Variants in ARHGEF4 observed in about 807,000 individuals in gnomAD.
ARHGEF4 encodes the protein APC-stimulated guanine nucleotide exchange factor 1.
Under a neutral mutation model 162.0 loss-of-function variants are expected in ARHGEF4, and 119 were observed. The ratio of observed to expected loss-of-function variants is 0.73; its 90% CI spans 0.63 to 0.86. The LOEUF is 0.86. Among genes scored for constraint, ARHGEF4 ranks in the 40% least tolerant of loss-of-function variants. The pLI, the probability that ARHGEF4 is intolerant of heterozygous loss-of-function variation, is 0.00. For missense variants in ARHGEF4, 2,488 were observed against 2,456.0 expected (o/e 1.01, Z -0.28); for synonymous variants, 1,014 against 979.9 (o/e 1.03, Z -0.65).
chr2:131,036,548 C>A (rs1690299404), intron 5 of ARHGEF4, among the ~76,000 whole-genome samples: 1 of 152,228 alleles, frequency 6.6e-6, no homozygotes, highest in Admixed American at 6.5e-5. Flanking sequence ...TTGCCCGACA[C>A]CTGGTGACCT....
intron 4 of ARHGEF4, among the ~76,000 whole-genome samples, chr2:130,950,229 C>T (rs532769748): frequency 1.3e-5 from 2 of 152,304 alleles, no homozygotes; most frequent in South Asian, 2.1e-4. Flanking sequence ...AATTTCTTCT[C>T]CACGTTTGGA....
Position 131,040,002 on chromosome 2 carries a change from C to G in ARHGEF4, c.4306-14C>G. 6.4e-7 allele frequency: 1 copy of G among 1,551,406 alleles called. No homozygotes were observed. Among genetic ancestry groups the G allele is most frequent in the South Asian group, 1.2e-5 (1 of 84,402 alleles). On this transcript the variant is annotated splice_polypyrimidine_tract_variant and intron_variant, in intron 6 of 13. Coordinates refer to ENST00000409359, the MANE Select transcript of ARHGEF4 (RefSeq NM_001367493.1). ...AGGGATGCGGGGCACTGACCGGCCA[C>G]GCATGGCCTGCAGCTGAGGGTGAAT...
chr2:130,916,497 G>C lies in ARHGEF4; in HGVS notation c.2551G>C (p.Gly851Arg), dbSNP rs1574223037. 6.5e-7 allele frequency: 1 copy of C among 1,547,766 alleles called. No homozygotes were observed. Among genetic ancestry groups the C allele is most frequent in the Non-Finnish European group, 8.7e-7 (1 of 1,146,676 alleles). Residue 851 changes from glycine to arginine, a missense_variant, in exon 2 of 14, where the codon GGG (glycine) becomes CGG (arginine). Physicochemically the swap from Gly to Arg is moderately radical, Grantham distance 125. Coordinates refer to ENST00000409359, the MANE Select transcript of ARHGEF4 (RefSeq NM_001367493.1). Reference sequence around the variant, plus strand: ...TCGGGACGCACCGCCTCTGCACCACGGGGACGCCAGCGCCTGGCCCGAGTT... The same window carrying C: ...TCGGGACGCACCGCCTCTGCACCACCGGGACGCCAGCGCCTGGCCCGAGTT... ...AGRDAPPLHH[G>R]DASAWPEFVP...
intron 4 of ARHGEF4, among the ~76,000 whole-genome samples, chr2:131,016,034 C>A (rs1688756786): frequency 6.6e-6 from 1 of 152,124 alleles, no homozygotes; most frequent in African/African-American, 2.4e-5. Flanking sequence ...CACCTCTCAC[C>A]CTCCTTCTTG....
chr2:130,881,735 C>T (rs910395901), intron 1 of ARHGEF4, among the ~76,000 whole-genome samples: 4 of 152,096 alleles, frequency 2.6e-5, no homozygotes, highest in South Asian at 4.1e-4. Flanking sequence ...TCCTGGAGGG[C>T]GGCCCTTGCG....
intron 4 of ARHGEF4, among the ~76,000 whole-genome samples, chr2:131,024,885 CT>C (rs1402663711): frequency 6.6e-6 from 1 of 152,106 alleles, no homozygotes; most frequent in Non-Finnish European, 1.5e-5. Flanking sequence ...CTTTTGTGTA[CT>C]TTTGAAACTT....
chr2:130,985,908 A>C (rs1686455291), intron 4 of ARHGEF4, among the ~76,000 whole-genome samples: 1 of 150,650 alleles, frequency 6.6e-6, no homozygotes, highest in Non-Finnish European at 1.5e-5. Flanking sequence ...ATTGTGAGTG[A>C]TGTGCGTGCG....
intron 1 of ARHGEF4, among the ~76,000 whole-genome samples, chr2:130,877,069 A>T (rs917081679): frequency 3.9e-5 from 6 of 152,140 alleles, no homozygotes; most frequent in African/African-American, 1.4e-4. Context: ...CATGGTGGCG[A>T]TGGGGTCCTC....
chr2:130,908,090 A>T (rs1256128466), intron 1 of ARHGEF4, among the ~76,000 whole-genome samples: 2 of 152,128 alleles, frequency 1.3e-5, no homozygotes, highest in Non-Finnish European at 2.9e-5. Flanking sequence ...ATGAGCATGG[A>T]ATGTTTTTCC....
intron 2 of ARHGEF4, 141 bp from the exon 3 acceptor site, chr2:130,930,811 A>G (rs975087368): frequency 3.0e-6 from 2 of 672,094 alleles, no homozygotes; most frequent in Non-Finnish European, 4.6e-6. Context: ...TGAACAAAGT[A>G]TTTCACTGGA....
intron 4 of ARHGEF4, among the ~76,000 whole-genome samples, chr2:130,982,571 C>T (rs1471875869): frequency 1.4e-5 from 2 of 143,776 alleles, no homozygotes; most frequent in South Asian, 2.6e-4. Flanking sequence ...CCTCCTCCTC[C>T]CCCTTCTCCT....
At chr2:130,940,894 A>C (rs1683260760) in intron 3 of ARHGEF4, among the ~76,000 whole-genome samples, 1 of 151,400 alleles carries the variant, frequency 6.6e-6, no homozygotes, top group South Asian at 2.1e-4. Context: ...AGTAGTGAGC[A>C]GGTGCCTGGT....
chr2:130,856,466 G>T (rs1414575245), intron 1 of ARHGEF4, among the ~76,000 whole-genome samples: 15 of 152,192 alleles, frequency 9.9e-5, no homozygotes. Context: ...TAGCAGATTT[G>T]CCTTGCAAGA....
At chr2:130,912,711 G>A (rs1263078465) in intron 1 of ARHGEF4, among the ~76,000 whole-genome samples, 1 of 152,100 alleles carries the variant, frequency 6.6e-6, no homozygotes, top group East Asian at 1.9e-4. Flanking sequence ...TTTGAGCATC[G>A]ACTGCTGTGC....
intron 1 of ARHGEF4, among the ~76,000 whole-genome samples, chr2:130,913,449 AT>A (rs1681310707): frequency 6.6e-6 from 1 of 152,214 alleles, no homozygotes; most frequent in Non-Finnish European, 1.5e-5. Flanking sequence ...GCTTTATAAC[AT>A]CCCAAAATGT....
At chr2:130,930,224 A>G (rs1205439355) in intron 2 of ARHGEF4, among the ~76,000 whole-genome samples, 2 of 152,214 alleles carry the variant, frequency 1.3e-5, no homozygotes, top group Non-Finnish European at 2.9e-5. Context: ...TTTAGCAAAC[A>G]GTACACACAG....
chr2:130,966,344 C>T lies in ARHGEF4; in HGVS notation c.3985+19709C>T, dbSNP rs191297477. On this transcript the variant is annotated intron_variant, in intron 4 of 13. Coordinates refer to ENST00000409359, the MANE Select transcript of ARHGEF4 (RefSeq NM_001367493.1). ...AAGACTCGCCTCTCTTCTTCTACAACGGAACTAGCTATTTCCTGTCCCTGG... is the reference window on the plus strand; with the variant it reads ...AAGACTCGCCTCTCTTCTTCTACAATGGAACTAGCTATTTCCTGTCCCTGG... Among the ~76,000 whole-genome samples, 339 of 152,302 alleles carry T rather than the reference C, an allele frequency of 2.2e-3. 2 individuals are homozygous for T. Among genetic ancestry groups the T allele is most frequent in the African/African-American group, 7.6e-3 (315 of 41,572 alleles).
intron 4 of ARHGEF4, among the ~76,000 whole-genome samples, chr2:130,949,655 G>C (rs1358693652): frequency 2.0e-5 from 3 of 148,646 alleles, no homozygotes; most frequent in Non-Finnish European, 4.5e-5. Flanking sequence ...TGCCCGGCCT[G>C]TTTGTTTTTC....
At chr2:130,983,655 T>A (rs1000170375) in intron 4 of ARHGEF4, among the ~76,000 whole-genome samples, 1 of 152,004 alleles carries the variant, frequency 6.6e-6, no homozygotes, top group Admixed American at 6.6e-5. Context: ...TTTATTTATT[T>A]AATTTTTTTT....
Sources: gnomAD v4.1 joint callset for allele counts (sites outside exome capture counted in the v4.1 genomes callset) on GRCh38, gnomAD v4.1.1 for gene constraint, MANE v1.5 for transcripts, NCBI Gene and HGNC (gene_info 2026-07-23, HGNC 2026-07-21) for gene names.